CCDC197: variants seen among roughly 807,000 people sequenced by gnomAD.
CCDC197 encodes the protein coiled-coil domain containing 197, also known as uncharacterized protein CCDC197.
In CCDC197, 24 loss-of-function variants were observed where a neutral mutation model predicts 13.4. That is an observed-to-expected ratio of 1.80 (90% confidence interval 1.30 to 2.53). The LOEUF is 2.53. Among genes scored for constraint, CCDC197 ranks in the 30% most tolerant of loss-of-function variants. CCDC197 has a pLI of 0.00. For synonymous variants in CCDC197, 99 were observed against 55.5 expected (o/e 1.78, Z -3.48); for missense variants, 255 against 148.8 (o/e 1.71, Z -3.71).
chr14:93,991,967 T>C (rs1180923472), intron 1 of CCDC197, among the ~76,000 whole-genome samples: 1 of 152,260 alleles, frequency 6.6e-6, no homozygotes, highest in African/African-American at 2.4e-5. Context: ...AGTGGTGGTG[T>C]GCTGTAGCCA....
chr14:94,003,512 C>A lies in CCDC197; in HGVS notation c.498+158C>A, dbSNP rs1035523745. ...ACACAGGCACACACACAGCCAGACA[C>A]ACACACCCACAGACATAGTCACAGC... On this transcript the variant is annotated intron_variant, in intron 5 of 6. Coordinates refer to ENST00000636493, the MANE Select transcript of CCDC197 (RefSeq NM_001351596.2). This position sits in a 1 kb window ranked among gnomAD's most constrained non-coding sequence, Gnocchi z 5.0. 1.3e-5 allele frequency among the ~76,000 whole-genome samples: 2 copies of A among 151,586 alleles called. No homozygotes were observed. The highest frequency in any genetic ancestry group is 2.9e-5 in the Non-Finnish European group (2 of 67,896).
chr14:93,997,854 C>T, intron 1 of CCDC197, 145 bp from the exon 2 acceptor site: 1 of 427,956 alleles, frequency 2.3e-6, no homozygotes, highest in Non-Finnish European at 4.2e-6. Context: ...TGCAGAATGG[C>T]ACCCTCAACC....
intron 6 of CCDC197, among the ~76,000 whole-genome samples, 156 bp from the exon 7 acceptor site, chr14:94,008,453 G>A (rs1890745624): frequency 6.6e-6 from 1 of 152,218 alleles, no homozygotes; most frequent in Admixed American, 6.5e-5. Context: ...GCCTCTGTTT[G>A]CTCATTTACC....
chr14:94,008,549 T>C (rs1444053119), intron 6 of CCDC197, 60 bp from the exon 7 acceptor site: 2 of 682,426 alleles, frequency 2.9e-6, no homozygotes, highest in East Asian at 5.4e-5. Context: ...CTTTGGTACC[T>C]AGAAAGCAGC....
In CCDC197 at chr14:94,003,174, T is replaced by G; in HGVS notation, c.367-49T>G. The G allele has an allele frequency of 1.3e-6, 1 of 761,734 alleles. No individual in the cohort carries two copies. The highest frequency in any genetic ancestry group is 2.4e-5 in the East Asian group (1 of 41,026). The allele number at this position is 761,734 out of a possible 1,614,324, so 47.2% of individuals were successfully genotyped here. On this transcript the variant is annotated intron_variant, in intron 4 of 6. Coordinates refer to ENST00000636493, the MANE Select transcript of CCDC197 (RefSeq NM_001351596.2). This position sits in a 1 kb window ranked among gnomAD's most constrained non-coding sequence, Gnocchi z 5.0. Reference sequence around the variant, plus strand: ...CCCTGGGGACTCAGACCAGGGCATATGCCCTGGAGGGTTTGTTGTACCAAG... The same window carrying G: ...CCCTGGGGACTCAGACCAGGGCATAGGCCCTGGAGGGTTTGTTGTACCAAG...
intron 1 of CCDC197, among the ~76,000 whole-genome samples, chr14:93,987,934 G>A (rs1015404825): frequency 3.4e-5 from 5 of 148,516 alleles, no homozygotes; most frequent in Non-Finnish European, 7.4e-5. Context: ...CAGCGCGGGA[G>A]GGAGGTGGGA....
At chr14:93,992,702 A>C (rs1164920861), upstream of CCDC197, among the ~76,000 whole-genome samples, 1 of 152,200 alleles carries the variant, frequency 6.6e-6, no homozygotes, top group Non-Finnish European at 1.5e-5. Context: ...CAGAGCCTCC[A>C]TCCTCCACCA....
At chr14:94,004,115 G>A (rs77675806) in intron 5 of CCDC197, among the ~76,000 whole-genome samples, 6,368 of 152,234 alleles carry the variant, frequency 0.042, 181 homozygotes, top group African/African-American at 0.079. Context: ...CAAAGTCCAT[G>A]GCCATGAATT....
At chr14:93,994,885 G>A (rs574925449), upstream of CCDC197, among the ~76,000 whole-genome samples, 11 of 152,260 alleles carry the variant, frequency 7.2e-5, no homozygotes, top group East Asian at 1.9e-4. Context: ...ACAGCCTCCC[G>A]CTGTGGGACC....
At chr14:93,996,297 T>C (rs1006475685), upstream of CCDC197, among the ~76,000 whole-genome samples, 3 of 148,524 alleles carry the variant, frequency 2.0e-5, no homozygotes, top group African/African-American at 7.9e-5. Context: ...TCTAGGACCA[T>C]GGAGAGGCAG....
chr14:94,001,278 C>G lies in CCDC197; in HGVS notation c.321C>G (p.His107Gln), dbSNP rs369861829. The change falls in exon 4 of 7, where the codon CAC becomes CAG. Residue 107 changes from histidine to glutamine, a missense_variant. Physicochemically the swap from His to Gln is conservative, Grantham distance 24 (BLOSUM62 0). Coordinates refer to ENST00000636493, the MANE Select transcript of CCDC197 (RefSeq NM_001351596.2). The part of the protein sequence containing the change: ...EAFCQMIQAV[H>Q]RSLESLEEDH... ...TCTGCCAGATGATCCAGGCTGTCCA[C>G]CGGAGCCTGGAGTCTCTGGAGGAGG... The G allele has an allele frequency of 7.6e-5, 59 of 780,492 alleles. No homozygotes were observed. The highest frequency in any genetic ancestry group is 1.3e-4 in the Non-Finnish European group (56 of 417,950). 48.3% of individuals were successfully genotyped at this position (780,492 alleles called of 1,614,324 possible).
At chr14:93,996,125 G>T (rs1890293603), upstream of CCDC197, among the ~76,000 whole-genome samples, 1 of 152,042 alleles carries the variant, frequency 6.6e-6, no homozygotes. Flanking sequence ...CCTTGAACTG[G>T]GCTGACTCCT....
upstream of CCDC197, among the ~76,000 whole-genome samples, chr14:93,993,007 C>T (rs1226177745): frequency 6.6e-6 from 1 of 152,136 alleles, no homozygotes; most frequent in Non-Finnish European, 1.5e-5. Context: ...GGAGCTACGT[C>T]GTGCCAGGTC....
intron 4 of CCDC197, among the ~76,000 whole-genome samples, chr14:94,002,623 C>T (rs1319723038): frequency 3.3e-5 from 5 of 152,104 alleles, no homozygotes; most frequent in East Asian, 3.8e-4. Flanking sequence ...GAGGCCAAAG[C>T]GGGCAGATCA....
chr14:93,995,541 C>T (rs367939312), upstream of CCDC197, among the ~76,000 whole-genome samples: 57 of 152,258 alleles, frequency 3.7e-4, 1 homozygote, highest in East Asian at 2.7e-3. Context: ...TTGGGAACAG[C>T]GCCAGGGTTT....
At chr14:94,004,491 GTC>G (rs916528146) in intron 5 of CCDC197, among the ~76,000 whole-genome samples, 1 of 152,084 alleles carries the variant, frequency 6.6e-6, no homozygotes, top group African/African-American at 2.4e-5. Flanking sequence ...CCCCTTTGAG[GTC>G]TCTCTCTCTA....
rs537023032 is a variant in CCDC197, at chr14:94,004,250, G to A, written c.499-605G>A. Among the ~76,000 whole-genome samples the A allele has an allele frequency of 9.8e-5, 15 of 152,296 alleles. 1 individual carries two copies. Among genetic ancestry groups the A allele is most frequent in the Admixed American group, 4.6e-4 (7 of 15,302 alleles). ...AACAGTCTATGTTCTTCTGGCCTCC[G>A]GGACTGCGGGAGGACAGTTAGGACC... On this transcript the variant is annotated intron_variant, in intron 5 of 6. Coordinates refer to ENST00000636493, the MANE Select transcript of CCDC197 (RefSeq NM_001351596.2).
At chr14:94,008,562 C>T in intron 6 of CCDC197, 47 bp from the exon 7 acceptor site, 1 of 688,308 alleles carries the variant, frequency 1.5e-6, no homozygotes. Flanking sequence ...AAAGCAGCGT[C>T]CAGAGGCCAA....
In CCDC197 at chr14:94,003,149, C is replaced by T; in HGVS notation, c.367-74C>T. The T allele has an allele frequency of 2.8e-6, 2 of 725,508 alleles. No homozygotes were observed. The highest frequency in any genetic ancestry group is 1.5e-5 in the South Asian group (1 of 65,726). 44.9% of individuals were successfully genotyped at this position (725,508 alleles called of 1,614,324 possible). ...TCCTATCCTGTCATTGCACAGACCA[C>T]CCTGGGGACTCAGACCAGGGCATAT... On this transcript the variant is annotated intron_variant, in intron 4 of 6. Transcript: ENST00000636493. This position sits in a 1 kb window ranked among gnomAD's most constrained non-coding sequence, Gnocchi z 5.0.
Sources: allele counts gnomAD v4.1 joint callset (sites outside exome capture counted in the v4.1 genomes callset), GRCh38; gene constraint gnomAD v4.1.1; non-coding constraint Gnocchi (gnomAD v3.1); transcripts MANE v1.5; gene names NCBI Gene and HGNC (gene_info 2026-07-23, HGNC 2026-07-21).